TMTC4: variants seen among roughly 807,000 people sequenced by gnomAD.
TMTC4 encodes transmembrane O-mannosyltransferase targeting cadherins 4, also known as protein O-mannosyl-transferase TMTC4.
In TMTC4, 65 loss-of-function variants were observed where a neutral mutation model predicts 86.0. The observed-to-expected ratio is 0.76, with a 90% CI of 0.62 to 0.93. The LOEUF is 0.93. Among genes scored for constraint, TMTC4 ranks in the 40% least tolerant of loss-of-function variants. The probability of loss-of-function intolerance (pLI) is 0.00; values close to 1 mark genes in which losing one functional copy is unlikely to be tolerated. For synonymous variants in TMTC4, 379 were observed against 382.5 expected, an observed-to-expected ratio of 0.99 and a Z score of 0.11; for missense variants, 866 against 948.1, an observed-to-expected ratio of 0.91 and a Z score of 1.14.
rs368904402 is a variant in TMTC4 at position 100,613,946 on chromosome 13, T to C, written c.1951+370A>G. ...CCTCCACCTCCTGGGTTCAAGCGAT[T>C]CTCCTGCCTCAGCCTCCCAAGTAGC... On this transcript the variant is annotated intron_variant, in intron 16 of 18. Coordinates refer to ENST00000342624, the MANE Select transcript of TMTC4 (RefSeq NM_032813.5). 1.8e-3 allele frequency among the ~76,000 whole-genome samples: 278 copies of C among 151,128 alleles called. 4 individuals carry two copies. In the East Asian group the frequency reaches 0.031, roughly 17 times the overall value.
At chr13:100,645,027 T>A (rs1883537067) in intron 6 of TMTC4, among the ~76,000 whole-genome samples, 2 of 152,180 alleles carry the variant, frequency 1.3e-5, no homozygotes, top group African/African-American at 4.8e-5. Flanking sequence ...TTGGCCAGTC[T>A]GGTCCTGAAC....
intron 12 of TMTC4, 51 bp from the exon 13 acceptor site, chr13:100,626,201 G>T: frequency 6.4e-7 from 1 of 1,558,898 alleles, no homozygotes; most frequent in Non-Finnish European, 8.8e-7. Context: ...CTTGTTCAGA[G>T]CCTGGACCCC....
intron 6 of TMTC4, among the ~76,000 whole-genome samples, chr13:100,655,862 T>TG (rs5806169): frequency 0.71 from 107,665 of 152,042 alleles, 39,257 homozygotes; most frequent in East Asian, 0.98. Context: ...CTAGGGCCAC[T>TG]GGGTCACCTT....
At chr13:100,662,857 A>AC in intron 5 of TMTC4, 107 bp downstream of exon 5, 1 of 1,189,428 alleles carries the variant, frequency 8.4e-7, no homozygotes, top group Non-Finnish European at 1.2e-6. Context: ...CCAGCTCTGG[A>AC]ACCAAGATGG....
At chr13:100,607,466 G>A (rs138239931) in intron 17 of TMTC4, among the ~76,000 whole-genome samples, 2,026 of 151,542 alleles carry the variant, frequency 0.013, 49 homozygotes, top group African/African-American at 0.046. Context: ...GCGGTGAGCC[G>A]AGACTGCGCC....
chr13:100,666,932 G>C (rs892901988), intron 3 of TMTC4, among the ~76,000 whole-genome samples: 5 of 152,238 alleles, frequency 3.3e-5, no homozygotes, highest in South Asian at 4.1e-4. Context: ...GGAGGCTGCA[G>C]TGAACTATGA....
Position 100,625,606 on chromosome 13 carries a change from C to T in TMTC4, c.1765G>A (p.Glu589Lys). ...QNSLKRFEAA[E>K]QSYRTAIKHR... ...TTAATTGCTGTCCGGTAACTTTGCT[C>T]TGCTGCTTCAAACCGTTTCAGGCTA... The change falls in exon 15 of 19, where the codon GAG (glutamate) becomes AAG (lysine). Residue 589 changes from glutamate (E) to lysine (K), a missense_variant. Glu to Lys is a moderately conservative substitution (Grantham distance 56). Coordinates refer to ENST00000342624, the MANE Select transcript of TMTC4 (RefSeq NM_032813.5). The T allele has an allele frequency of 1.9e-6, 3 of 1,614,198 alleles. No individual in the cohort carries two copies. The highest frequency in any genetic ancestry group is 2.5e-6 in the Non-Finnish European group (3 of 1,180,050).
chr13:100,664,167 T>A (rs1244013160), intron 4 of TMTC4, 54 bp downstream of exon 4: 2 of 1,461,620 alleles, frequency 1.4e-6, no homozygotes, highest in East Asian at 4.9e-5. Flanking sequence ...CTGTATCCAA[T>A]GTCACACACA....
intron 15 of TMTC4, among the ~76,000 whole-genome samples, chr13:100,620,859 C>T (rs1238290532): frequency 6.6e-6 from 1 of 151,854 alleles, no homozygotes; most frequent in Non-Finnish European, 1.5e-5. Flanking sequence ...AAACAAAAAA[C>T]CCTCTTAAGC....
intron 17 of TMTC4, among the ~76,000 whole-genome samples, chr13:100,611,734 A>G (rs915425089): frequency 2.8e-4 from 42 of 152,240 alleles, no homozygotes; most frequent in African/African-American, 1.0e-3. Flanking sequence ...ATTAAAGTTT[A>G]CAACCAGTCC....
chr13:100,615,201 G>A (rs909672828), intron 15 of TMTC4, among the ~76,000 whole-genome samples: 6 of 151,964 alleles, frequency 3.9e-5, no homozygotes, highest in African/African-American at 1.5e-4. Flanking sequence ...GCAATGGCGC[G>A]ATCTCGGCTC....
At chr13:100,623,073 A>G (rs1041221127) in intron 15 of TMTC4, among the ~76,000 whole-genome samples, 6 of 152,214 alleles carry the variant, frequency 3.9e-5, no homozygotes, top group Non-Finnish European at 8.8e-5. Flanking sequence ...TTTTCCAATA[A>G]ATGTAAAGCA....
chr13:100,614,221 A>G, intron 16 of TMTC4, 95 bp downstream of exon 16: 1 of 900,002 alleles, frequency 1.1e-6, no homozygotes, highest in East Asian at 2.5e-5. Context: ...TAAACTCAGT[A>G]GGAAAAAAGC....
At chr13:100,626,274 C>CTT (rs1465248954) in intron 12 of TMTC4, 124 bp from the exon 13 acceptor site, 1 of 976,610 alleles carries the variant, frequency 1.0e-6, no homozygotes, top group African/African-American at 1.6e-5. Context: ...CCCACCAGAA[C>CTT]TTTAGCTAAA....
At position 100,625,551 on chromosome 13, in the gene TMTC4, T is replaced by C. The variant is rs753392882; in HGVS notation, c.1820A>G (p.Tyr607Cys). 3.1e-6 allele frequency: 5 copies of C among 1,614,136 alleles called. No homozygotes were observed. The highest frequency in any genetic ancestry group is 3.4e-6 in the Non-Finnish European group (4 of 1,180,044). The change falls in exon 15 of 19, where the codon TAC becomes TGC. Residue 607 changes from tyrosine (Y) to cysteine (C), a missense_variant. Physicochemically the swap from Tyr to Cys is radical, Grantham distance 194 (BLOSUM62 -2). Coordinates refer to ENST00000342624, the MANE Select transcript of TMTC4 (RefSeq NM_032813.5). ...CGCGCTTACCAGACGCCCGAGGTTG[T>C]AGTAACAGTCTGGGTATTTCCTTCT... The part of the protein sequence containing the change: ...KHRRKYPDCY[Y>C]NLGRLYADLN...
chr13:100,605,105 G>T lies in TMTC4; in HGVS notation c.2172C>A (p.Ala724=). 1 of 1,613,414 alleles carries T rather than the reference G, an allele frequency of 6.2e-7. No individual in the cohort carries two copies. Among genetic ancestry groups the T allele is most frequent in the Non-Finnish European group, 8.5e-7 (1 of 1,179,776 alleles). Residue 724 remains alanine, a synonymous_variant, in exon 19 of 19, where the codon GCC becomes GCA. Coordinates refer to ENST00000342624, the MANE Select transcript of TMTC4 (RefSeq NM_032813.5). The surrounding 1 kb of genome is among the most constrained non-coding windows in gnomAD (Gnocchi z 4.3). ...LYHRWGHLDL[A]KKHYEISLQL... The stretch of plus-strand genomic sequence containing the variant: ...GCAAGGAGATTTCATAGTGTTTCTT[G>T]GCCAAGTCTAGATGTCCCCAACGAT...
chr13:100,633,878 C>T (rs546939332), intron 12 of TMTC4, among the ~76,000 whole-genome samples: 2 of 152,152 alleles, frequency 1.3e-5, no homozygotes, highest in African/African-American at 2.4e-5. Context: ...CAGTGGCTCA[C>T]GCCTGTAATC....
intron 6 of TMTC4, among the ~76,000 whole-genome samples, chr13:100,655,411 A>T (rs1268643341): frequency 6.6e-6 from 1 of 152,194 alleles, no homozygotes; most frequent in Non-Finnish European, 1.5e-5. Flanking sequence ...TTAATTGCCA[A>T]CTTTTGAAAA....
At chr13:100,607,964 G>A (rs1431676561) in intron 17 of TMTC4, among the ~76,000 whole-genome samples, 1 of 152,162 alleles carries the variant, frequency 6.6e-6, no homozygotes, top group Non-Finnish European at 1.5e-5. Context: ...AATGGGTTGT[G>A]TAGTTTCGCA....
Sources: gnomAD v4.1 joint callset for allele counts (sites outside exome capture counted in the v4.1 genomes callset) on GRCh38, gnomAD v4.1.1 for gene constraint, Gnocchi (gnomAD v3.1) non-coding constraint, MANE v1.5 for transcripts, NCBI Gene and HGNC (gene_info 2026-07-23, HGNC 2026-07-21) for gene names.